YTHDF3: variants seen among roughly 807,000 people sequenced by gnomAD.
The protein encoded by YTHDF3 is YTH domain-containing family protein 3.
In YTHDF3, 9 loss-of-function variants were observed where a neutral mutation model predicts 52.5. The ratio of observed to expected loss-of-function variants is 0.17; its 90% CI spans 0.10 to 0.30. YTHDF3 has a LOEUF of 0.30. Ranked by LOEUF, YTHDF3 falls within the 10% of genes least tolerant of loss-of-function variation. The pLI is 1.00. For synonymous variants in YTHDF3, 274 were observed against 243.3 expected, an observed-to-expected ratio of 1.13 and a Z score of -1.18; for missense variants, 534 against 715.0, an observed-to-expected ratio of 0.75 and a Z score of 2.89.
chr8:63,193,374 CAAAA>C (rs758787473), intron 4 of YTHDF3, among the ~76,000 whole-genome samples: 2 of 54,118 alleles, frequency 3.7e-5, no homozygotes, highest in Non-Finnish European at 8.1e-5. Flanking sequence ...AGACTCCGTC[CAAAA>C]AAAAAAAAAA....
chr8:63,175,288 C>G (rs890946233), intron 2 of YTHDF3, 43 bp from the exon 3 acceptor site: 2 of 1,451,620 alleles, frequency 1.4e-6, no homozygotes, highest in African/African-American at 2.8e-5. Context: ...CTGCGAGTTT[C>G]ATAAAGATAA....
intron 4 of YTHDF3, among the ~76,000 whole-genome samples, chr8:63,203,115 G>A (rs1462612180): frequency 6.6e-6 from 1 of 151,834 alleles, no homozygotes; most frequent in East Asian, 1.9e-4. Context: ...GGTGGCAGAC[G>A]CCTGTGATCC....
chr8:63,189,801 G>T (rs1200714195), intron 4 of YTHDF3, among the ~76,000 whole-genome samples: 3 of 152,194 alleles, frequency 2.0e-5, no homozygotes, highest in African/African-American at 7.2e-5. Flanking sequence ...TGATTCTGGT[G>T]CTAGTTATTG....
intron 3 of YTHDF3, among the ~76,000 whole-genome samples, chr8:63,183,304 A>G (rs138323893): frequency 7.2e-5 from 11 of 152,172 alleles, no homozygotes; most frequent in African/African-American, 2.4e-4. Flanking sequence ...TTTATACTAG[A>G]TGAACTTCTC....
chr8:63,174,117 A>G (rs182272248), intron 2 of YTHDF3, among the ~76,000 whole-genome samples: 14 of 152,350 alleles, frequency 9.2e-5, no homozygotes, highest in Admixed American at 7.8e-4. Context: ...TATATTACAG[A>G]GGAATACGCA....
At chr8:63,177,538 G>A (rs769948495) in intron 3 of YTHDF3, among the ~76,000 whole-genome samples, 5 of 152,120 alleles carry the variant, frequency 3.3e-5, no homozygotes, top group African/African-American at 4.8e-5. Flanking sequence ...TGGCAGTATG[G>A]CAGTATTTTC....
chr8:63,205,143 C>T (rs958849902), intron 4 of YTHDF3, among the ~76,000 whole-genome samples: 9 of 152,164 alleles, frequency 5.9e-5, no homozygotes, highest in African/African-American at 1.9e-4. Context: ...GCTTAGTTCA[C>T]GGTGGGGAAG....
intron 2 of YTHDF3, among the ~76,000 whole-genome samples, chr8:63,174,582 C>T (rs1204462567): frequency 2.0e-5 from 3 of 152,204 alleles, no homozygotes; most frequent in Non-Finnish European, 4.4e-5. Flanking sequence ...CACTCTGAAA[C>T]AGCATCCAGA....
intron 2 of YTHDF3, among the ~76,000 whole-genome samples, chr8:63,174,661 G>A (rs777383323): frequency 6.6e-6 from 1 of 152,154 alleles, no homozygotes; most frequent in Non-Finnish European, 1.5e-5. Flanking sequence ...TGTTTCTCAT[G>A]TATTGCAAGG....
At chr8:63,176,596 T>C (rs1477529878) in intron 3 of YTHDF3, among the ~76,000 whole-genome samples, 1 of 151,752 alleles carries the variant, frequency 6.6e-6, no homozygotes, top group African/African-American at 2.4e-5. Flanking sequence ...TGTAGTTCTT[T>C]GGAATAATTT....
chr8:63,195,073 TC>T (rs1253766474), intron 4 of YTHDF3, among the ~76,000 whole-genome samples: 1 of 152,240 alleles, frequency 6.6e-6, no homozygotes, highest in Non-Finnish European at 1.5e-5. Flanking sequence ...ACAAGGCTCT[TC>T]CTGTGGAGGA....
At chr8:63,188,643 A>G (rs1808686905) in intron 4 of YTHDF3, 1 of 139,028 alleles carries the variant, frequency 7.2e-6, no homozygotes, top group Non-Finnish European at 1.5e-5. Flanking sequence ...TTTTAAATAA[A>G]TGTTTTACTC....
At chr8:63,208,699 A>G (rs1208884493) in intron 4 of YTHDF3, among the ~76,000 whole-genome samples, 1 of 152,222 alleles carries the variant, frequency 6.6e-6, no homozygotes, top group Non-Finnish European at 1.5e-5. Context: ...TTTTTTCATC[A>G]GAAGTGTTAC....
At chr8:63,176,739 G>T (rs374971127) in intron 3 of YTHDF3, among the ~76,000 whole-genome samples, 1 of 151,414 alleles carries the variant, frequency 6.6e-6, no homozygotes, top group Admixed American at 6.6e-5. Flanking sequence ...GTGCAGTGGC[G>T]CAATCTTGGC....
At position 63,207,368 on chromosome 8, in the gene YTHDF3, C is replaced by T. The variant is rs571055667; in HGVS notation, c.1735-2315C>T. Reference sequence around the variant, plus strand: ...AATGGGATTTTAAAGTTTCCTTTGCCGGTATCTGGTGGTTTCATTGATGGG... The same window carrying T: ...AATGGGATTTTAAAGTTTCCTTTGCTGGTATCTGGTGGTTTCATTGATGGG... On this transcript the variant is annotated intron_variant, in intron 4 of 4. Transcript: ENST00000539294. Among the ~76,000 whole-genome samples the T allele has an allele frequency of 1.2e-4, 19 of 152,054 alleles. No individual in the cohort carries two copies. In the East Asian group the frequency reaches 3.3e-3, roughly 26 times the overall value.
intron 4 of YTHDF3, among the ~76,000 whole-genome samples, chr8:63,192,024 G>A (rs1024446799): frequency 3.3e-5 from 5 of 152,032 alleles, no homozygotes; most frequent in Non-Finnish European, 5.9e-5. Flanking sequence ...CACTTTTGGC[G>A]GGGGCGTACA....
At chr8:63,200,524 T>C (rs1809544524) in intron 4 of YTHDF3, among the ~76,000 whole-genome samples, 1 of 151,870 alleles carries the variant, frequency 6.6e-6, no homozygotes, top group Non-Finnish European at 1.5e-5. Context: ...CAGGCCATAC[T>C]CAGGGGAGGG....
chr8:63,198,708 T>C (rs1054952171), intron 4 of YTHDF3, among the ~76,000 whole-genome samples: 1 of 152,218 alleles, frequency 6.6e-6, no homozygotes, highest in African/African-American at 2.4e-5. Context: ...ACTTCAAAAA[T>C]AGTTATACTT....
At chr8:63,201,642 T>C (rs749143508) in intron 4 of YTHDF3, among the ~76,000 whole-genome samples, 2 of 152,182 alleles carry the variant, frequency 1.3e-5, no homozygotes, top group African/African-American at 2.4e-5. Context: ...TCTGAATTTA[T>C]TGAAAGGTGA....
Sources: allele counts gnomAD v4.1 joint callset (sites outside exome capture counted in the v4.1 genomes callset), GRCh38; gene constraint gnomAD v4.1.1; transcripts MANE v1.5; gene names NCBI Gene and HGNC (gene_info 2026-07-23, HGNC 2026-07-21).